The following SLC31A1 variants were observed in gnomAD, a reference collection of about 807,000 sequenced individuals.
The protein encoded by SLC31A1 is solute carrier family 31 member 1, also known as high affinity copper uptake protein 1.
A neutral mutation model predicts 17.2 loss-of-function variants in SLC31A1; 5 were observed. The observed-to-expected ratio is 0.29, with a 90% confidence interval of 0.15 to 0.61. The LOEUF is 0.61. Ranked by LOEUF, SLC31A1 falls within the 20% of genes least tolerant of loss-of-function variation. The pLI is 0.86. For synonymous variants in SLC31A1, 76 were observed against 78.8 expected (o/e 0.96, Z 0.19); for missense variants, 161 against 241.4 (o/e 0.67, Z 2.21).
Position 113,260,561 on chromosome 9 carries a change from T to G in SLC31A1, c.*88T>G. On this transcript the variant is annotated 3_prime_UTR_variant, in exon 5 of 5. Coordinates refer to ENST00000374212, the MANE Select transcript of SLC31A1 (RefSeq NM_001859.4). ...TGATTCCTGCTCCAATCATCCCTTC[T>G]TGCTCCTCTTTGTGCACGTACACAC... 1.0e-6 allele frequency: 1 copy of G among 956,254 alleles called. No homozygotes were observed. Among genetic ancestry groups the G allele is most frequent in the South Asian group, 1.3e-5 (1 of 74,592 alleles). The allele number at this position is 956,254 out of a possible 1,614,324, so 59.2% of individuals were successfully genotyped here.
chr9:113,247,158 T>TA (rs1345502660), intron 1 of SLC31A1, among the ~76,000 whole-genome samples: 2 of 152,188 alleles, frequency 1.3e-5, no homozygotes, highest in African/African-American at 4.8e-5. Context: ...GCCAGAAACT[T>TA]ACAGTTACCA....
At chr9:113,225,966 T>C (rs1290250992) in intron 1 of SLC31A1, among the ~76,000 whole-genome samples, 1 of 152,102 alleles carries the variant, frequency 6.6e-6, no homozygotes, top group African/African-American at 2.4e-5. Flanking sequence ...AAACCCCGTG[T>C]CTGCTGAAAA....
At chr9:113,244,585 A>C (rs1482416595) in intron 1 of SLC31A1, among the ~76,000 whole-genome samples, 1 of 152,234 alleles carries the variant, frequency 6.6e-6, no homozygotes, top group Non-Finnish European at 1.5e-5. Flanking sequence ...ATTCTTGGCC[A>C]ATTCTATTAA....
chr9:113,253,969 T>TC (rs1437662355), intron 1 of SLC31A1, among the ~76,000 whole-genome samples: 1 of 147,050 alleles, frequency 6.8e-6, no homozygotes, highest in East Asian at 2.0e-4. Context: ...TTTTTTTTTT[T>TC]TTTTTTTTGA....
chr9:113,259,583 CTTTTTTT>C (rs34039262), intron 4 of SLC31A1, among the ~76,000 whole-genome samples: 1 of 124,440 alleles, frequency 8.0e-6, no homozygotes, highest in African/African-American at 3.1e-5. Flanking sequence ...TTTTTTCTTT[CTTTTTTT>C]TTTTTTTTTC....
At chr9:113,225,583 C>G (rs1831331160) in intron 1 of SLC31A1, among the ~76,000 whole-genome samples, 1 of 152,178 alleles carries the variant, frequency 6.6e-6, no homozygotes, top group African/African-American at 2.4e-5. Context: ...TTCAATTCAG[C>G]TTTCCTTTGG....
chr9:113,245,950 G>A lies in SLC31A1; in HGVS notation c.-35-10164G>A, dbSNP rs573624178. Among the ~76,000 whole-genome samples the A allele has an allele frequency of 2.0e-5, 3 of 151,156 alleles. No individual in the cohort carries two copies. The South Asian group carries it at 6.3e-4, about 32-fold the overall frequency. ...TACCCAGCTCTAAGTTCTGTTTATTGCAGTATTATATCAAGGTCTCCCCTT... is the reference window on the plus strand; with the variant it reads ...TACCCAGCTCTAAGTTCTGTTTATTACAGTATTATATCAAGGTCTCCCCTT... On this transcript the variant is annotated intron_variant, in intron 1 of 4. Coordinates refer to ENST00000374212, the MANE Select transcript of SLC31A1 (RefSeq NM_001859.4).
At chr9:113,259,228 C>T (rs1831760665) in intron 4 of SLC31A1, among the ~76,000 whole-genome samples, 2 of 152,126 alleles carry the variant, frequency 1.3e-5, no homozygotes, top group African/African-American at 2.4e-5. Context: ...ACCTAGTCAG[C>T]CCTGTCCTCT....
At chr9:113,231,945 A>G (rs1015404306) in intron 1 of SLC31A1, among the ~76,000 whole-genome samples, 1 of 152,228 alleles carries the variant, frequency 6.6e-6, no homozygotes, top group African/African-American at 2.4e-5. Flanking sequence ...GTTACAGATA[A>G]CAGAATTATA....
intron 1 of SLC31A1, among the ~76,000 whole-genome samples, chr9:113,243,523 C>CCAT (rs1831544027): frequency 6.7e-6 from 1 of 148,880 alleles, no homozygotes; most frequent in African/African-American, 2.5e-5. Context: ...AAGGGGATGA[C>CCAT]CTTCAACCGA....
chr9:113,229,694 G>GA (rs1831381721), intron 1 of SLC31A1, among the ~76,000 whole-genome samples: 1 of 152,116 alleles, frequency 6.6e-6, no homozygotes, highest in Non-Finnish European at 1.5e-5. Context: ...AAAGAATGTG[G>GA]GCAGACTGAT....
At chr9:113,256,900 C>T (rs1831735043) in intron 2 of SLC31A1, among the ~76,000 whole-genome samples, 1 of 150,908 alleles carries the variant, frequency 6.6e-6, no homozygotes, top group African/African-American at 2.4e-5. Context: ...ATGGTGGGGG[C>T]CCAGGAGAAA....
intron 1 of SLC31A1, among the ~76,000 whole-genome samples, chr9:113,243,402 G>A (rs746585610): frequency 2.6e-5 from 4 of 152,164 alleles, no homozygotes; most frequent in East Asian, 1.9e-4. Context: ...AATTCATCAC[G>A]TTATCACTTT....
chr9:113,248,037 G>A (rs1019630651), intron 1 of SLC31A1, among the ~76,000 whole-genome samples: 7 of 152,102 alleles, frequency 4.6e-5, no homozygotes, highest in African/African-American at 1.4e-4. Context: ...CCAAGAAGAT[G>A]GCCAGGCATG....
intron 1 of SLC31A1, among the ~76,000 whole-genome samples, chr9:113,225,345 G>C (rs1345031768): frequency 6.6e-6 from 1 of 152,226 alleles, no homozygotes; most frequent in Non-Finnish European, 1.5e-5. Context: ...AGGTCAAGGT[G>C]ACAAGTTTGT....
intron 1 of SLC31A1, among the ~76,000 whole-genome samples, chr9:113,233,168 T>C (rs1564205857): frequency 6.6e-6 from 1 of 152,226 alleles, no homozygotes; most frequent in Non-Finnish European, 1.5e-5. Flanking sequence ...GTTAGTTTTA[T>C]TTTCCCAATT....
intron 1 of SLC31A1, among the ~76,000 whole-genome samples, chr9:113,252,104 C>T (rs1831660711): frequency 6.6e-6 from 1 of 152,046 alleles, no homozygotes; most frequent in African/African-American, 2.4e-5. Flanking sequence ...TATACCTTGC[C>T]CTGGGTCACT....
intron 1 of SLC31A1, among the ~76,000 whole-genome samples, chr9:113,235,033 C>CAAA (rs1363202918): frequency 6.6e-6 from 1 of 151,886 alleles, no homozygotes; most frequent in Non-Finnish European, 1.5e-5. Context: ...TCTAAAGACA[C>CAAA]AATAAAAGAA....
intron 1 of SLC31A1, among the ~76,000 whole-genome samples, chr9:113,245,760 T>G (rs1443055809): frequency 1.3e-5 from 2 of 151,616 alleles, no homozygotes; most frequent in Non-Finnish European, 1.5e-5. Context: ...GCCTCTCAAG[T>G]AGTTGAGACT....
Sources: gnomAD v4.1 joint callset for allele counts (sites outside exome capture counted in the v4.1 genomes callset) on GRCh38, gnomAD v4.1.1 for gene constraint, MANE v1.5 for transcripts, NCBI Gene and HGNC (gene_info 2026-07-23, HGNC 2026-07-21) for gene names.